Variants in ADAM28 observed in about 807,000 individuals in gnomAD.
The protein encoded by ADAM28 is disintegrin and metalloproteinase domain-containing protein 28.
ADAM28 carries 105 observed loss-of-function variants against 101.2 expected under a neutral mutation model. That is an observed-to-expected ratio of 1.04 (90% CI 0.89 to 1.22). The LOEUF is 1.22. Among genes scored for constraint, ADAM28 ranks in the 50% most tolerant of loss-of-function variants. ADAM28 has a pLI of 0.00. For missense variants in ADAM28, 1,028 were observed against 945.4 expected, an observed-to-expected ratio of 1.09 and a Z score of -1.15; for synonymous variants, 322 against 310.6, an observed-to-expected ratio of 1.04 and a Z score of -0.39.
chr8:24,335,197 A>C (rs1439188465), intron 13 of ADAM28, among the ~76,000 whole-genome samples: 1 of 150,870 alleles, frequency 6.6e-6, no homozygotes, highest in Non-Finnish European at 1.5e-5. Flanking sequence ...ACTTTTCTAC[A>C]TTATGTTTCT....
In ADAM28 at chr8:24,357,078, C is replaced by T. The variant is rs936945414; in HGVS notation, c.*2674C>T. 5 of 152,110 alleles carry T rather than the reference C, an allele frequency of 3.3e-5. No homozygotes were observed. Among genetic ancestry groups the T allele is most frequent in the South Asian group, 2.1e-4 (1 of 4,826 alleles). 9.4% of individuals were successfully genotyped at this position (152,110 alleles called of 1,614,324 possible). On this transcript the variant is annotated 3_prime_UTR_variant, in exon 23 of 23. Transcript: ENST00000265769. ...TAAGAAAATGAGCCCCTGAGTTCAA[C>T]GACCCTCAAATGAAGTGAAGTCTAC... is the stretch of plus-strand genomic sequence containing the variant.
At chr8:24,341,404 GTTTA>G (rs1054952707) in intron 15 of ADAM28, 190 bp from the exon 16 acceptor site, 1 of 576,044 alleles carries the variant, frequency 1.7e-6, no homozygotes, top group Non-Finnish European at 3.0e-6. Context: ...AGGTAATACT[GTTTA>G]TTTGAGCAAT....
chr8:24,321,194 A>G, intron 7 of ADAM28, 24 bp from the exon 8 acceptor site: 1 of 1,487,116 alleles, frequency 6.7e-7, no homozygotes, highest in Non-Finnish European at 9.4e-7. Flanking sequence ...CAATGCCCAT[A>G]TTCTTTCTTA....
chr8:24,306,212 G>A (rs982566400), intron 2 of ADAM28, among the ~76,000 whole-genome samples: 7 of 151,248 alleles, frequency 4.6e-5, no homozygotes, highest in South Asian at 2.1e-4. Context: ...GTGTGGTGGT[G>A]CGCACCTGTA....
chr8:24,342,161 A>G (rs1814858945), intron 16 of ADAM28, among the ~76,000 whole-genome samples: 1 of 152,196 alleles, frequency 6.6e-6, no homozygotes, highest in Admixed American at 6.5e-5. Flanking sequence ...ATCATTAATA[A>G]TATAATGAAC....
intron 6 of ADAM28, among the ~76,000 whole-genome samples, 182 bp from the exon 7 acceptor site, chr8:24,320,054 C>T (rs555936777): frequency 3.9e-5 from 6 of 152,040 alleles, no homozygotes; most frequent in African/African-American, 1.2e-4. Context: ...GTCCCTTCAC[C>T]TCCAAATTTA....
At chr8:24,328,895 T>G (rs548226483) in intron 10 of ADAM28, among the ~76,000 whole-genome samples, 1 of 150,594 alleles carries the variant, frequency 6.6e-6, no homozygotes, top group Non-Finnish European at 1.5e-5. Context: ...CACTCCAGTT[T>G]GGGCAACAAG....
At chr8:24,353,920 A>T (rs1002905308) in intron 22 of ADAM28, 88 bp downstream of exon 22, 1 of 916,092 alleles carries the variant, frequency 1.1e-6, no homozygotes, top group South Asian at 1.7e-5. Flanking sequence ...TTAGAAAAAA[A>T]CTTACTAAGA....
At chr8:24,342,922 G>T in intron 16 of ADAM28, 179 bp from the exon 17 acceptor site, 2 of 1,111,060 alleles carry the variant, frequency 1.8e-6, no homozygotes, top group Non-Finnish European at 1.2e-6. Context: ...AACCTTTTTG[G>T]GTTGGTTTAA....
At position 24,310,160 on chromosome 8, in the gene ADAM28, C is replaced by T. The variant is rs972975031; in HGVS notation, c.228-3C>T. 1 of 1,613,110 alleles carries T rather than the reference C, an allele frequency of 6.2e-7. No homozygotes were observed. The highest frequency in any genetic ancestry group is 8.5e-7 in the Non-Finnish European group (1 of 1,179,456). ...CACAACATTTTTGTGTTTCTTTCTC[C>T]AGGAACCTCCTTGCACCAGGCTACA... On this transcript the variant is annotated splice_region_variant and splice_polypyrimidine_tract_variant and intron_variant, in intron 3 of 22. Coordinates refer to ENST00000265769, the MANE Select transcript of ADAM28 (RefSeq NM_014265.6).
intron 15 of ADAM28, 183 bp from the exon 16 acceptor site, chr8:24,341,415 C>T (rs1283685692): frequency 1.7e-6 from 1 of 598,800 alleles, no homozygotes. Context: ...TTTATTTGAG[C>T]AATAATATAT....
At chr8:24,297,305 A>G (rs1259963714) in intron 1 of ADAM28, among the ~76,000 whole-genome samples, 1 of 152,190 alleles carries the variant, frequency 6.6e-6, no homozygotes, top group East Asian at 1.9e-4. Flanking sequence ...GCAATTTCTA[A>G]TTTCATGAAA....
intron 2 of ADAM28, among the ~76,000 whole-genome samples, chr8:24,303,776 A>T (rs1226648864): frequency 6.6e-6 from 1 of 152,204 alleles, no homozygotes; most frequent in Non-Finnish European, 1.5e-5. Context: ...ATCCATGAAC[A>T]TGGAATGTTT....
At chr8:24,305,531 T>C (rs2129248974) in intron 2 of ADAM28, among the ~76,000 whole-genome samples, 1 of 148,394 alleles carries the variant, frequency 6.7e-6, no homozygotes, top group Non-Finnish European at 1.5e-5. Context: ...CTGCCAATCC[T>C]TGTCCTGGAA....
intron 12 of ADAM28, among the ~76,000 whole-genome samples, chr8:24,332,152 C>A (rs867352363): frequency 3.9e-5 from 6 of 152,210 alleles, no homozygotes; most frequent in Middle Eastern, 3.4e-3. Context: ...AAGAGTTTCT[C>A]CAATACCTTT....
At chr8:24,307,484 AG>A (rs1307203596) in intron 2 of ADAM28, among the ~76,000 whole-genome samples, 1 of 152,188 alleles carries the variant, frequency 6.6e-6, no homozygotes, top group Non-Finnish European at 1.5e-5. Context: ...GGGGGCTGGG[AG>A]TAAAGAACAA....
At chr8:24,346,648 T>C (rs1434117937) in intron 18 of ADAM28, among the ~76,000 whole-genome samples, 1 of 152,046 alleles carries the variant, frequency 6.6e-6, no homozygotes, top group Non-Finnish European at 1.5e-5. Flanking sequence ...TCTTTTTGTG[T>C]GTAACATAAT....
chr8:24,326,682 A>G lies in ADAM28; in HGVS notation c.972+47A>G, dbSNP rs577521744. 9 of 1,552,078 alleles carry G rather than the reference A, an allele frequency of 5.8e-6. No homozygotes were observed. The South Asian group carries it at 9.4e-5, about 16-fold the overall frequency. ...TGGTTCTATGATTTACATTTATCAAATGCTTTTTAAAAAATCTATAGAGAA... is the reference window on the plus strand; with the variant it reads ...TGGTTCTATGATTTACATTTATCAAGTGCTTTTTAAAAAATCTATAGAGAA... On this transcript the variant is annotated intron_variant, in intron 10 of 22. Coordinates refer to ENST00000265769, the MANE Select transcript of ADAM28 (RefSeq NM_014265.6).
rs750602608 is a variant in ADAM28, at chr8:24,310,148, T to G, written c.228-15T>G. 7 of 1,612,180 alleles carry G rather than the reference T, an allele frequency of 4.3e-6. No individual in the cohort carries two copies. In the African/African-American group the frequency reaches 5.3e-5, roughly 12 times the overall value. ...AGCACAAGTAACCACAACATTTTTG[T>G]GTTTCTTTCTCCAGGAACCTCCTTG... On this transcript the variant is annotated splice_polypyrimidine_tract_variant and intron_variant, in intron 3 of 22. Transcript: ENST00000265769.
Sources: allele counts gnomAD v4.1 joint callset (sites outside exome capture counted in the v4.1 genomes callset), GRCh38; gene constraint gnomAD v4.1.1; transcripts MANE v1.5; gene names NCBI Gene and HGNC (gene_info 2026-07-23, HGNC 2026-07-21).